PEBP4: variants seen among roughly 807,000 people sequenced by gnomAD.
The protein encoded by PEBP4 is phosphatidylethanolamine binding protein 4.
A neutral mutation model predicts 23.9 loss-of-function variants in PEBP4; 22 were observed. That is an observed-to-expected ratio of 0.92 (90% CI 0.66 to 1.31). PEBP4 has a LOEUF of 1.31. Ranked by LOEUF, PEBP4 falls within the 40% of genes most tolerant of loss-of-function variation. The pLI, the probability that PEBP4 is intolerant of heterozygous loss-of-function variation, is 0.00. For missense variants in PEBP4, 324 were observed against 281.7 expected, an observed-to-expected ratio of 1.15 and a Z score of -1.07; for synonymous variants, 112 against 99.3, an observed-to-expected ratio of 1.13 and a Z score of -0.76.
Position 22,745,304 on chromosome 8 carries a change from T to G in PEBP4, c.358-18084A>C, listed in dbSNP as rs188115256. On this transcript the variant is annotated intron_variant, in intron 4 of 6. Coordinates refer to ENST00000256404, the MANE Select transcript of PEBP4 (RefSeq NM_144962.3). The stretch of plus-strand genomic sequence containing the variant: ...TGGGGAGGTGTCACTGAGAGTGGTG[T>G]GATGAGTCACCATGTCCCCAGCCTT... Among the ~76,000 whole-genome samples, 1,185 of 152,210 alleles carry G rather than the reference T, an allele frequency of 7.8e-3. 13 individuals carry two copies. Among genetic ancestry groups the G allele is most frequent in the African/African-American group, 0.026 (1,061 of 41,526 alleles).
intron 3 of PEBP4, among the ~76,000 whole-genome samples, chr8:22,893,462 A>G (rs560709906): frequency 6.6e-6 from 1 of 152,350 alleles, no homozygotes; most frequent in Non-Finnish European, 1.5e-5. Flanking sequence ...AGGACAAAAA[A>G]CAATCAATTG....
intron 4 of PEBP4, among the ~76,000 whole-genome samples, chr8:22,770,592 G>C (rs751800775): frequency 1.1e-4 from 16 of 152,210 alleles, no homozygotes; most frequent in Non-Finnish European, 2.4e-4. Flanking sequence ...TCTTCCTCCA[G>C]GTTATTCATT....
chr8:22,935,076 C>A (rs2128783242), intron 1 of PEBP4, among the ~76,000 whole-genome samples: 1 of 152,236 alleles, frequency 6.6e-6, no homozygotes, highest in African/African-American at 2.4e-5. Context: ...AGTTATAAAC[C>A]TATATGCACC....
intron 3 of PEBP4, among the ~76,000 whole-genome samples, chr8:22,831,409 C>T (rs1807081741): frequency 6.6e-6 from 1 of 152,142 alleles, no homozygotes; most frequent in Non-Finnish European, 1.5e-5. Context: ...AGTACAGTGT[C>T]TGCACACAGT....
chr8:22,765,114 T>C (rs532856848), intron 4 of PEBP4, among the ~76,000 whole-genome samples: 227 of 138,658 alleles, frequency 1.6e-3, no homozygotes, highest in African/African-American at 6.1e-3. Context: ...CCTTCCTTTA[T>C]TTCTTCCTTC....
chr8:22,740,561 C>T (rs1804967508), intron 4 of PEBP4, among the ~76,000 whole-genome samples: 1 of 152,214 alleles, frequency 6.6e-6, no homozygotes, highest in Non-Finnish European at 1.5e-5. Flanking sequence ...ACCTTCCTGC[C>T]CAATTCCCCT....
intron 4 of PEBP4, among the ~76,000 whole-genome samples, chr8:22,748,842 G>T (rs541565584): frequency 6.6e-6 from 1 of 152,142 alleles, no homozygotes; most frequent in Non-Finnish European, 1.5e-5. Context: ...AGGCCTCCAC[G>T]AGTCCTGGAT....
At chr8:22,877,198 T>C (rs1373794048) in intron 3 of PEBP4, among the ~76,000 whole-genome samples, 1 of 152,196 alleles carries the variant, frequency 6.6e-6, no homozygotes, top group African/African-American at 2.4e-5. Flanking sequence ...GTCCCAGCCA[T>C]TTCTACTGTA....
chr8:22,811,880 A>C (rs1533308), intron 4 of PEBP4, among the ~76,000 whole-genome samples: 6 of 152,042 alleles, frequency 3.9e-5, no homozygotes, highest in Non-Finnish European at 1.5e-5. Context: ...CTTGAGTCCA[A>C]TTGTCTAAGG....
intron 6 of PEBP4, among the ~76,000 whole-genome samples, chr8:22,722,194 AT>A (rs1338044864): frequency 6.7e-6 from 1 of 148,458 alleles, no homozygotes; most frequent in Non-Finnish European, 1.5e-5. Context: ...AAAAAAAAAA[AT>A]CTATGGTTTC....
intron 6 of PEBP4, among the ~76,000 whole-genome samples, chr8:22,721,408 T>C (rs779541782): frequency 3.3e-5 from 5 of 152,062 alleles, no homozygotes; most frequent in Non-Finnish European, 7.4e-5. Flanking sequence ...AAAAGAGGAA[T>C]CCTGGGGAGG....
intron 4 of PEBP4, among the ~76,000 whole-genome samples, chr8:22,805,658 C>T (rs561401960): frequency 1.3e-5 from 2 of 152,322 alleles, no homozygotes; most frequent in African/African-American, 4.8e-5. Flanking sequence ...TCAATTATAA[C>T]AAACATACCA....
chr8:22,797,735 G>C (rs188315475), intron 4 of PEBP4, among the ~76,000 whole-genome samples: 111 of 152,244 alleles, frequency 7.3e-4, no homozygotes, highest in Non-Finnish European at 1.4e-3. Context: ...TCCATCGCAG[G>C]GGCAATGATG....
intron 3 of PEBP4, among the ~76,000 whole-genome samples, chr8:22,882,168 G>C (rs1168934650): frequency 1.3e-5 from 2 of 152,210 alleles, no homozygotes; most frequent in Non-Finnish European, 2.9e-5. Flanking sequence ...TAAGCATTTA[G>C]AACTGGGATC....
chr8:22,925,238 T>G (rs1174760253), intron 2 of PEBP4: 65 of 985,330 alleles, frequency 6.6e-5, no homozygotes, highest in Non-Finnish European at 7.6e-5. Flanking sequence ...GCATGCAACC[T>G]TAAGGTCATA....
chr8:22,775,485 G>A lies in PEBP4; in HGVS notation c.357+42152C>T, dbSNP rs1270708301. Among the ~76,000 whole-genome samples, 2 of 152,178 alleles carry A rather than the reference G, an allele frequency of 1.3e-5. No homozygotes were observed. The highest frequency in any genetic ancestry group is 1.9e-4 in the East Asian group (1 of 5,186). ...GGGTGGTGTTCACGTATGGAGGGGG[G>A]GGATTTCTTTTTAAGAGACAAGGTG... On this transcript the variant is annotated intron_variant, in intron 4 of 6. Transcript: ENST00000256404. The surrounding 1 kb of genome is among the most constrained non-coding windows in gnomAD (Gnocchi z 4.8).
intron 4 of PEBP4, among the ~76,000 whole-genome samples, chr8:22,738,984 G>A (rs1027423607): frequency 6.6e-5 from 10 of 152,196 alleles, no homozygotes; most frequent in Non-Finnish European, 1.5e-4. Flanking sequence ...GGGGTTGGTG[G>A]CCAGGCTGAA....
chr8:22,819,602 TTTTTGTTTTG>T (rs370269006), intron 3 of PEBP4, among the ~76,000 whole-genome samples: 2 of 151,924 alleles, frequency 1.3e-5, no homozygotes, highest in Non-Finnish European at 2.9e-5. Context: ...TGTTTTTGTT[TTTTTGTTTTG>T]TTTTGTTTTG....
chr8:22,882,115 T>C (rs892352321), intron 3 of PEBP4, among the ~76,000 whole-genome samples: 27 of 152,340 alleles, frequency 1.8e-4, no homozygotes, highest in African/African-American at 6.5e-4. Flanking sequence ...CATTCACCTT[T>C]TTCCTGCTTC....
Sources: allele counts gnomAD v4.1 joint callset (sites outside exome capture counted in the v4.1 genomes callset), GRCh38; gene constraint gnomAD v4.1.1; non-coding constraint Gnocchi (gnomAD v3.1); transcripts MANE v1.5; gene names NCBI Gene and HGNC (gene_info 2026-07-23, HGNC 2026-07-21).